The following MAPK14 variants were observed in gnomAD, a reference collection of about 807,000 sequenced individuals.
MAPK14 encodes the protein mitogen-activated protein kinase 14.
A neutral mutation model predicts 49.6 loss-of-function variants in MAPK14; 16 were observed. That is an observed-to-expected ratio of 0.32 (90% CI 0.22 to 0.49). The LOEUF (loss-of-function observed/expected upper bound fraction) is 0.49. Ranked by LOEUF, MAPK14 falls within the 20% of genes least tolerant of loss-of-function variation. MAPK14 has a pLI of 0.99. For missense variants in MAPK14, 200 were observed against 441.2 expected (o/e 0.45, Z 4.90); for synonymous variants, 142 against 158.0 (o/e 0.90, Z 0.76).
intron 8 of MAPK14, among the ~76,000 whole-genome samples, chr6:36,083,688 G>A (rs886090962): frequency 2.6e-5 from 4 of 152,208 alleles, no homozygotes; most frequent in Admixed American, 1.3e-4. Context: ...GGGGTTTACA[G>A]ACAGAATTCC....
At position 36,079,952 on chromosome 6, in the gene MAPK14, C is replaced by CT. The variant is rs368370512; in HGVS notation, c.682+3355dup. On this transcript the variant is annotated intron_variant, in intron 8 of 11. Transcript: ENST00000229794. The stretch of plus-strand genomic sequence containing the variant: ...TTAACATAAAATTTACCATTTTAAC[C>CT]TTTTTTTTTTTGAGACAGTCTTGCT... Among the ~76,000 whole-genome samples the CT allele has an allele frequency of 1.1e-3, 155 of 145,820 alleles. 2 individuals carry two copies. The East Asian group carries it at 0.013, about 13-fold the overall frequency.
chr6:36,073,806 C>G lies in MAPK14; in HGVS notation c.447+86C>G, dbSNP rs369824300. The stretch of plus-strand genomic sequence containing the variant: ...CATTTAGCCAAGATCCTAATCTAAA[C>G]TTTAGCCATTGAAATGTTGATTGAT... On this transcript the variant is annotated intron_variant, in intron 5 of 11. Transcript: ENST00000229794. 8.1e-6 allele frequency: 11 copies of G among 1,354,976 alleles called. No homozygotes were observed. The East Asian group carries it at 9.2e-5, about 11-fold the overall frequency. The allele number at this position is 1,354,976 out of a possible 1,614,324, so 83.9% of individuals were successfully genotyped here.
Position 36,107,379 on chromosome 6 carries a change from C to G in MAPK14, c.842-76C>G. Reference sequence around the variant, plus strand: ...TTTGTTTGGATATGAAGGGTCAAAACTATGTTTGCTCAATAAGGCATACTT... The same window carrying G: ...TTTGTTTGGATATGAAGGGTCAAAAGTATGTTTGCTCAATAAGGCATACTT... On this transcript the variant is annotated intron_variant, in intron 10 of 11. Coordinates refer to ENST00000229794, the MANE Select transcript of MAPK14 (RefSeq NM_139012.3). The surrounding 1 kb of genome is among the most constrained non-coding windows in gnomAD (Gnocchi z 4.3). 1 of 1,059,540 alleles carries G rather than the reference C, an allele frequency of 9.4e-7. No individual in the cohort carries two copies. Among genetic ancestry groups the G allele is most frequent in the Non-Finnish European group, 1.3e-6 (1 of 749,986 alleles). The allele number at this position is 1,059,540 out of a possible 1,614,324, so 65.6% of individuals were successfully genotyped here.
chr6:36,085,031 A>T (rs1226055206), intron 8 of MAPK14, among the ~76,000 whole-genome samples: 1 of 152,208 alleles, frequency 6.6e-6, no homozygotes, highest in South Asian at 2.1e-4. Context: ...CAACATTCTT[A>T]AAGAATTTCC....
chr6:36,033,567 G>C (rs1762627615), intron 1 of MAPK14, among the ~76,000 whole-genome samples: 1 of 152,100 alleles, frequency 6.6e-6, no homozygotes, highest in African/African-American at 2.4e-5. Context: ...TGCCCACCTT[G>C]GCCTCCCAAA....
At chr6:36,118,139 C>T in the MAPK14 span, among the ~76,000 whole-genome samples, 1 of 152,132 alleles carries the variant, frequency 6.6e-6, no homozygotes, top group African/African-American at 2.4e-5. Context: ...AGAACAAGAA[C>T]CAAAAGATTA....
At chr6:36,069,137 A>G (rs1764172356) in intron 3 of MAPK14, among the ~76,000 whole-genome samples, 1 of 152,192 alleles carries the variant, frequency 6.6e-6, no homozygotes, top group African/African-American at 2.4e-5. Flanking sequence ...TGTTATATAC[A>G]TTGACAATAT....
intron 1 of MAPK14, among the ~76,000 whole-genome samples, chr6:36,047,727 G>A (rs1323470883): frequency 6.7e-6 from 1 of 149,864 alleles, no homozygotes; most frequent in East Asian, 2.0e-4. Flanking sequence ...GGTGGCCCAT[G>A]CCTGACTAAT....
In MAPK14 at chr6:36,107,003, T is replaced by A. The variant is rs963110425; in HGVS notation, c.842-452T>A. ...GACTACACTGGTAGCAGTTTGACAT[T>A]GACGGTCCACAAAAGCCTGTTCAAA... On this transcript the variant is annotated intron_variant, in intron 10 of 11. Transcript: ENST00000229794. This position sits in a 1 kb window ranked among gnomAD's most constrained non-coding sequence, Gnocchi z 4.3. Among the ~76,000 whole-genome samples the A allele has an allele frequency of 2.6e-5, 4 of 152,150 alleles. No homozygotes were observed. The highest frequency in any genetic ancestry group is 1.3e-4 in the Admixed American group (2 of 15,276).
At chr6:36,091,850 T>C (rs1765244813) in intron 8 of MAPK14, 2 of 176,798 alleles carry the variant, frequency 1.1e-5, no homozygotes, top group African/African-American at 2.4e-5. Flanking sequence ...TTTTCTTTTT[T>C]TTTTTTTTTT....
Position 36,072,957 on chromosome 6 carries a change from T to C in MAPK14, c.390T>C (p.Leu130=), listed in dbSNP as rs1460053129. 1.9e-6 allele frequency: 3 copies of C among 1,611,434 alleles called. No homozygotes were observed. Among genetic ancestry groups the C allele is most frequent in the Non-Finnish European group, 2.5e-6 (3 of 1,177,766 alleles). Residue 130 remains leucine, a synonymous_variant, in exon 4 of 12, where the codon CTT becomes CTC. Coordinates refer to ENST00000229794, the MANE Select transcript of MAPK14 (RefSeq NM_139012.3). ...TTACAGATGACCATGTTCAGTTCCT[T>C]ATCTACCAAATTCTCCGAGGTCTAA... is the stretch of plus-strand genomic sequence containing the variant. ...QKLTDDHVQF[L]IYQILRGLKY...
chr6:36,089,536 CTTTAA>C lies in MAPK14; in HGVS notation c.683-6442_683-6438del, dbSNP rs771055473. Among the ~76,000 whole-genome samples the C allele has an allele frequency of 4.6e-5, 7 of 152,264 alleles. No individual in the cohort carries two copies. The East Asian group carries it at 7.7e-4, about 17-fold the overall frequency. ...CACATCCTGCACTTGTATCTCAGAA[CTTTAA>C]TTTAATTTTAAAAAAATATAAGAAA... On this transcript the variant is annotated intron_variant, in intron 8 of 11. Coordinates refer to ENST00000229794, the MANE Select transcript of MAPK14 (RefSeq NM_139012.3).
intron 10 of MAPK14, among the ~76,000 whole-genome samples, chr6:36,104,395 C>CTT (rs983542839): frequency 6.7e-6 from 1 of 148,802 alleles, no homozygotes; most frequent in African/African-American, 2.5e-5. Flanking sequence ...TCTTTCTTTC[C>CTT]TTTTTTTTTT....
At chr6:36,081,605 A>G (rs1195024247) in intron 8 of MAPK14, among the ~76,000 whole-genome samples, 2 of 152,160 alleles carry the variant, frequency 1.3e-5, no homozygotes, top group African/African-American at 2.4e-5. Flanking sequence ...TTATATATCT[A>G]TCCTTATGGC....
intron 8 of MAPK14, among the ~76,000 whole-genome samples, chr6:36,080,665 A>G (rs572659324): frequency 1.7e-4 from 26 of 152,274 alleles, no homozygotes; most frequent in African/African-American, 6.3e-4. Context: ...TTGTCATACA[A>G]GCATCTGTTT....
chr6:36,102,747 A>G, intron 10 of MAPK14, 98 bp downstream of exon 10: 1 of 1,580,128 alleles, frequency 6.3e-7, no homozygotes, highest in Non-Finnish European at 8.6e-7. Flanking sequence ...CAAATAAAGT[A>G]CCATTAGTTG....
At chr6:36,070,849 T>C (rs1415072028) in intron 3 of MAPK14, among the ~76,000 whole-genome samples, 1 of 152,082 alleles carries the variant, frequency 6.6e-6, no homozygotes, top group Non-Finnish European at 1.5e-5. Flanking sequence ...CACACACACG[T>C]TTATTCTTAT....
In MAPK14 at chr6:36,107,638, A is replaced by G; in HGVS notation, c.1015+10A>G. The G allele has an allele frequency of 6.5e-7, 1 of 1,548,428 alleles. No homozygotes were observed. Among genetic ancestry groups the G allele is most frequent in the Non-Finnish European group, 8.7e-7 (1 of 1,148,118 alleles). On this transcript the variant is annotated intron_variant, in intron 11 of 11. Transcript: ENST00000229794. This position sits in a 1 kb window ranked among gnomAD's most constrained non-coding sequence, Gnocchi z 4.3. ...ATAGATGAGTGGAAAAGTAAGTCCTAAGGGTAGGATTAACATCTTGAACCA... is the reference window on the plus strand; with the variant it reads ...ATAGATGAGTGGAAAAGTAAGTCCTGAGGGTAGGATTAACATCTTGAACCA...
At position 36,091,266 on chromosome 6, in the gene MAPK14, C is replaced by G. The variant is rs756692771; in HGVS notation, c.683-4721C>G. ...TTTTTTTGTTTTTTTTTTTCTTTAC[C>G]TGTTCATTCTGACTGACTTGCTTCT... On this transcript the variant is annotated intron_variant, in intron 8 of 11. Coordinates refer to ENST00000229794, the MANE Select transcript of MAPK14 (RefSeq NM_139012.3). 3.8e-4 allele frequency among the ~76,000 whole-genome samples: 57 copies of G among 151,480 alleles called. No individual in the cohort carries two copies. In the Middle Eastern group the frequency reaches 0.014, roughly 36 times the overall value.
Sources: allele counts gnomAD v4.1 joint callset (sites outside exome capture counted in the v4.1 genomes callset), GRCh38; gene constraint gnomAD v4.1.1; non-coding constraint Gnocchi (gnomAD v3.1); transcripts MANE v1.5; gene names NCBI Gene and HGNC (gene_info 2026-07-23, HGNC 2026-07-21).